The following TNC variants were observed in gnomAD, a reference collection of about 807,000 sequenced individuals.
The protein encoded by TNC is tenascin C, also known as tenascin.
A neutral mutation model predicts 202.4 loss-of-function variants in TNC; 109 were observed. That is an observed-to-expected ratio of 0.54 (90% CI 0.46 to 0.63). The LOEUF is 0.63. Ranked by LOEUF, TNC falls within the 30% of genes least tolerant of loss-of-function variation. The pLI is 0.00. For synonymous variants in TNC, 1,007 were observed against 1,089.7 expected (o/e 0.92, Z 1.50); for missense variants, 2,756 against 2,833.3 (o/e 0.97, Z 0.62).
chr9:115,116,174 G>A (rs1042359661), intron 1 of TNC, among the ~76,000 whole-genome samples: 4 of 152,192 alleles, frequency 2.6e-5, no homozygotes, highest in Non-Finnish European at 5.9e-5. Context: ...TTAGAGTGGG[G>A]AAGGAGGAGG....
chr9:115,041,436 T>G (rs1239143863), intron 18 of TNC, among the ~76,000 whole-genome samples: 1 of 152,202 alleles, frequency 6.6e-6, no homozygotes, highest in Non-Finnish European at 1.5e-5. Flanking sequence ...TACTATGTAA[T>G]GTATGTCAGA....
intron 10 of TNC, among the ~76,000 whole-genome samples, chr9:115,066,778 A>G (rs527900243): frequency 1.4e-4 from 22 of 152,354 alleles, no homozygotes; most frequent in Non-Finnish European, 2.8e-4. Flanking sequence ...TAAAATTCCA[A>G]TTCTGGTGCC....
chr9:115,052,593 C>T, intron 15 of TNC: 1 of 583,254 alleles, frequency 1.7e-6, no homozygotes, highest in Non-Finnish European at 3.1e-6. Flanking sequence ...CACTATTCTC[C>T]ATAAATATAT....
At chr9:115,070,728 G>A (rs932870172) in intron 10 of TNC, among the ~76,000 whole-genome samples, 11 of 152,198 alleles carry the variant, frequency 7.2e-5, no homozygotes, top group African/African-American at 2.7e-4. Context: ...AGAATCCAGT[G>A]ATACAGAGCT....
In TNC at chr9:115,086,763, C is replaced by T. The variant is rs760158909; in HGVS notation, c.968G>A (p.Gly323Asp). The T allele has an allele frequency of 1.2e-6, 2 of 1,613,790 alleles. No homozygotes were observed. The highest frequency in any genetic ancestry group is 1.1e-5 in the South Asian group (1 of 91,088). Residue 323 changes from glycine to aspartate, a missense_variant, in exon 3 of 28, where the codon GGC becomes GAC. Physicochemically the swap from Gly to Asp is moderately conservative, Grantham distance 94. Around this residue, in one of 2 missense-constraint regions of TNC, gnomAD observed 2,559 missense variants for 2,546.0 expected, o/e 1.01. Coordinates refer to ENST00000350763, the MANE Select transcript of TNC (RefSeq NM_002160.4). ...GTAGCAGGTGCCATTGATGCAGCGG[C>T]CCCGGTCGAAGCAGTCATTGGGGCA... ...LICPNDCFDR[G>D]RCINGTCYCE...
chr9:115,114,661 G>T (rs1005847982), intron 1 of TNC, among the ~76,000 whole-genome samples: 2 of 152,176 alleles, frequency 1.3e-5, no homozygotes, highest in African/African-American at 4.8e-5. Flanking sequence ...TTCACTGAAA[G>T]ACACCATTTA....
At position 115,030,266 on chromosome 9, in the gene TNC, C is replaced by T; in HGVS notation, c.6060G>A (p.Gly2020=). ...LEVFCDMTSD[G]GGWIVFLRRK... ...TGGTGGTACTCACAATCCATCCACC[C>T]CCATCAGAGGTCATGTCACAGAAGA... Residue 2020 remains glycine, a synonymous_variant, in exon 24 of 28, where the codon GGG becomes GGA. Transcript: ENST00000350763. 1 of 1,611,206 alleles carries T rather than the reference C, an allele frequency of 6.2e-7. No homozygotes were observed. Among genetic ancestry groups the T allele is most frequent in the Non-Finnish European group, 8.5e-7 (1 of 1,177,700 alleles).
At chr9:115,098,938 A>ATTTTTTTTT (rs35624621) in intron 1 of TNC, among the ~76,000 whole-genome samples, 1 of 127,328 alleles carries the variant, frequency 7.9e-6, no homozygotes, top group East Asian at 2.3e-4. Flanking sequence ...TTAAGTGTGT[A>ATTTTTTTTT]TTTTTTTTTT....
chr9:115,030,222 C>T, intron 24 of TNC, 32 bp downstream of exon 24: 1 of 1,581,734 alleles, frequency 6.3e-7, no homozygotes, highest in Non-Finnish European at 8.6e-7. Context: ...TCCCCTAGGC[C>T]TGAGGGCTCT....
Position 115,026,529 on chromosome 9 carries a change from T to C in TNC, c.6331+5A>G. The C allele has an allele frequency of 2.5e-6, 4 of 1,613,882 alleles. No homozygotes were observed. Among genetic ancestry groups the C allele is most frequent in the Non-Finnish European group, 3.4e-6 (4 of 1,179,788 alleles). On this transcript the variant is annotated splice_donor_5th_base_variant and intron_variant, in intron 26 of 27. Transcript: ENST00000350763. ...TGTAGGCTCTACGTGCAGCCACTAC[T>C]GTACCTGCTGTCCCACTGTACCCCT...
At chr9:115,064,399 G>T (rs932630464) in intron 11 of TNC, among the ~76,000 whole-genome samples, 1 of 152,164 alleles carries the variant, frequency 6.6e-6, no homozygotes, top group Non-Finnish European at 1.5e-5. Context: ...AAGGCCCTCT[G>T]CATGGGAGCT....
In TNC at chr9:115,086,146, C is replaced by G. The variant is rs1400719760; in HGVS notation, c.1585G>C (p.Glu529Gln). The change falls in exon 3 of 28, where the codon GAA (glutamate) becomes CAA (glutamine). Residue 529 changes from glutamate (E) to glutamine (Q), a missense_variant. Around this residue, in one of 2 missense-constraint regions of TNC, gnomAD observed 2,559 missense variants for 2,546.0 expected, o/e 1.01. Coordinates refer to ENST00000350763, the MANE Select transcript of TNC (RefSeq NM_002160.4). ...EDGFTGPDCAELSCPNDCHGQ... is the reference protein window; with the variant it reads ...EDGFTGPDCAQLSCPNDCHGQ... ...TGGCAGTCATTTGGACAGGAGAGTT[C>G]TGCACAGTCAGGGCCGGTGAAGCCG... 3.7e-6 allele frequency: 6 copies of G among 1,613,946 alleles called. No homozygotes were observed. Among genetic ancestry groups the G allele is most frequent in the Non-Finnish European group, 5.1e-6 (6 of 1,179,958 alleles).
intron 9 of TNC, 26 bp downstream of exon 9, chr9:115,076,006 G>A (rs1833817314): frequency 6.3e-7 from 1 of 1,597,410 alleles, no homozygotes; most frequent in South Asian, 1.1e-5. Context: ...CAGCTCAGTG[G>A]GATGGGAATT....
At chr9:115,094,817 C>CTGTGTGTG (rs1166113704) in intron 1 of TNC, among the ~76,000 whole-genome samples, 2 of 29,818 alleles carry the variant, frequency 6.7e-5, no homozygotes, top group African/African-American at 2.0e-4. Context: ...ACAAGTGCCT[C>CTGTGTGTG]TGTGTGTGTG....
intron 23 of TNC, among the ~76,000 whole-genome samples, chr9:115,030,934 A>T (rs1829901210): frequency 6.6e-6 from 1 of 152,192 alleles, no homozygotes; most frequent in African/African-American, 2.4e-5. Flanking sequence ...CTGGGCATGG[A>T]ATATCTGAGC....
chr9:115,063,662 A>G, intron 12 of TNC, 134 bp downstream of exon 12: 2 of 1,005,346 alleles, frequency 2.0e-6, no homozygotes, highest in Non-Finnish European at 2.9e-6. Flanking sequence ...ACATTTAGGA[A>G]GAAGCAGAGA....
chr9:115,057,851 CCA>C (rs1160961357), intron 14 of TNC, among the ~76,000 whole-genome samples: 5 of 152,198 alleles, frequency 3.3e-5, no homozygotes, highest in African/African-American at 1.2e-4. Flanking sequence ...TGGATGCCTT[CCA>C]CAGACATTCT....
chr9:115,093,438 C>T (rs1181714910), intron 1 of TNC, among the ~76,000 whole-genome samples: 1 of 152,152 alleles, frequency 6.6e-6, no homozygotes, highest in African/African-American at 2.4e-5. Flanking sequence ...GGTAAGGCCA[C>T]TGAATGAAGA....
At chr9:115,028,924 GAAAAAAAAAA>G (rs57737243) in intron 25 of TNC, among the ~76,000 whole-genome samples, 113 of 63,930 alleles carry the variant, frequency 1.8e-3, no homozygotes, top group African/African-American at 5.9e-3. Flanking sequence ...CATTATCTCT[GAAAAAAAAAA>G]AAAAAAAAAA....
Sources: gnomAD v4.1 joint callset for allele counts (sites outside exome capture counted in the v4.1 genomes callset) on GRCh38, gnomAD v4.1.1 for gene constraint, gnomAD v4.1.1 regional missense constraint, MANE v1.5 for transcripts, NCBI Gene and HGNC (gene_info 2026-07-23, HGNC 2026-07-21) for gene names.